Variants in AKNAD1 observed in about 807,000 individuals in gnomAD.
AKNAD1 encodes AKNA domain containing 1.
In AKNAD1, 67 loss-of-function variants were observed where a neutral mutation model predicts 90.8. That is an observed-to-expected ratio of 0.74 (90% CI 0.61 to 0.90). The LOEUF is 0.90. AKNAD1 is among the 40% of genes least tolerant of loss of function. The pLI is 0.00. For missense variants in AKNAD1, 957 were observed against 975.4 expected, an observed-to-expected ratio of 0.98 and a Z score of 0.25; for synonymous variants, 327 against 341.4, an observed-to-expected ratio of 0.96 and a Z score of 0.46.
intron 7 of AKNAD1, among the ~76,000 whole-genome samples, chr1:108,835,982 T>A (rs1275132687): frequency 6.6e-6 from 1 of 152,194 alleles, no homozygotes; most frequent in Non-Finnish European, 1.5e-5. Context: ...GGCAGGTGAT[T>A]TGTTTGTTGT....
chr1:108,833,720 A>T (rs1570808338), intron 9 of AKNAD1, among the ~76,000 whole-genome samples: 1 of 142,558 alleles, frequency 7.0e-6, no homozygotes, highest in African/African-American at 2.7e-5. Flanking sequence ...CATTTTTCCC[A>T]TGGTTTTTTT....
In AKNAD1 at chr1:108,849,059, T is replaced by C. The variant is rs1664780733; in HGVS notation, c.1035A>G (p.Gly345=). The C allele has an allele frequency of 4.4e-6, 7 of 1,588,610 alleles. No homozygotes were observed. Among genetic ancestry groups the C allele is most frequent in the Non-Finnish European group, 6.0e-6 (7 of 1,171,972 alleles). Residue 345 remains glycine, a splice_region_variant and synonymous_variant, in exon 4 of 16, where the codon GGA becomes GGG. Coordinates refer to ENST00000370001, the MANE Select transcript of AKNAD1 (RefSeq NM_152763.5). ...TAGAGAGACTTGCCTCAGATTCTATTCCTATACAAGAAAGAACACATTTGG... is the reference window on the plus strand; with the variant it reads ...TAGAGAGACTTGCCTCAGATTCTATCCCTATACAAGAAAGAACACATTTGG... The part of the protein sequence containing the change: ...IVHIHQELLT[G]IESEASLSKL...
chr1:108,856,718 TCA>T (rs1553205541), intron 1 of AKNAD1, among the ~76,000 whole-genome samples: 156 of 142,828 alleles, frequency 1.1e-3, no homozygotes, highest in Middle Eastern at 7.1e-3. Flanking sequence ...TCTCTCTCTC[TCA>T]CACACACATA....
rs200748698 is a variant in AKNAD1 at position 108,849,042 on chromosome 1, C to T, written c.1052G>A (p.Ser351Asn). The change falls in exon 4 of 16, where the codon AGT becomes AAT. Residue 351 changes from serine (S) to asparagine (N), a missense_variant. Transcript: ENST00000370001. Reference sequence around the variant, plus strand: ...AGAGGTTGGTGACAACTTAGAGAGACTTGCCTCAGATTCTATTCCTATACA... The same window carrying T: ...AGAGGTTGGTGACAACTTAGAGAGATTTGCCTCAGATTCTATTCCTATACA... The part of the protein sequence containing the change: ...ELLTGIESEA[S>N]LSKLSPTSQK... 2.6e-5 allele frequency: 42 copies of T among 1,600,728 alleles called. No homozygotes were observed. The highest frequency in any genetic ancestry group is 3.1e-5 in the Non-Finnish European group (37 of 1,176,302).
chr1:108,837,692 T>A lies in AKNAD1; in HGVS notation c.1394A>T (p.Glu465Val), dbSNP rs1423031801. 6.2e-7 allele frequency: 1 copy of A among 1,614,052 alleles called. No homozygotes were observed. Among genetic ancestry groups the A allele is most frequent in the Non-Finnish European group, 8.5e-7 (1 of 1,180,008 alleles). The change falls in exon 7 of 16, where the codon GAA (glutamate) becomes GTA (valine). Residue 465 changes from glutamate to valine, a missense_variant. Physicochemically the swap from Glu to Val is moderately radical, Grantham distance 121. Transcript: ENST00000370001. ...AAGCAGCATCTCCAATTTGAAGATT[T>A]CACCTTCCACTTTTCTAAGTAAACA... ...DFDPERKVEG[E>V]IFKLEMLLED...
chr1:108,839,473 A>AAAAAAAAAAGAAAAAAAAAAAG (rs1314808863), intron 6 of AKNAD1, among the ~76,000 whole-genome samples: 1 of 151,424 alleles, frequency 6.6e-6, no homozygotes, highest in Non-Finnish European at 1.5e-5. Context: ...CGTCTCAATA[A>AAAAAAAAAAGAAAAAAAAAAAG]AAAAAAAAAG....
At chr1:108,839,566 G>C (rs1485027421) in intron 6 of AKNAD1, among the ~76,000 whole-genome samples, 1 of 151,668 alleles carries the variant, frequency 6.6e-6, no homozygotes, top group African/African-American at 2.4e-5. Context: ...TAGATTAAAG[G>C]AGAAAAACTA....
intron 13 of AKNAD1, chr1:108,823,162 T>C (rs1449698610): frequency 2.8e-6 from 2 of 718,906 alleles, no homozygotes; most frequent in Non-Finnish European, 5.2e-6. Flanking sequence ...GTCACTGCGA[T>C]TTCATATTTT....
rs770479314 is a variant in AKNAD1 at position 108,827,310 on chromosome 1, A to G, written c.1839-8T>C. On this transcript the variant is annotated splice_polypyrimidine_tract_variant and splice_region_variant and intron_variant, in intron 10 of 15. Coordinates refer to ENST00000370001, the MANE Select transcript of AKNAD1 (RefSeq NM_152763.5). ...TTCTCCACGTTTTGCTTCCTAAAAA[A>G]AGGTGCATAAGATCCTGTAAACTTT... 1.5e-5 allele frequency: 24 copies of G among 1,589,660 alleles called. No individual in the cohort carries two copies. In the Admixed American group the frequency reaches 4.0e-4, roughly 27 times the overall value.
At chr1:108,855,878 C>G in intron 1 of AKNAD1, among the ~76,000 whole-genome samples, 1 of 127,106 alleles carries the variant, frequency 7.9e-6, no homozygotes, top group South Asian at 2.6e-4. Flanking sequence ...AACAGAGTAT[C>G]TTTTTTTTTT....
chr1:108,825,500 A>T (rs12759838), intron 11 of AKNAD1, among the ~76,000 whole-genome samples: 24,978 of 151,628 alleles, frequency 0.16, 2,636 homozygotes, highest in Non-Finnish European at 0.21. Context: ...TGATTCCAGA[A>T]CCCTTTTACA....
rs200186739 is a variant in AKNAD1, at chr1:108,835,627, ATT to A, written c.1537-573_1537-572del. Among the ~76,000 whole-genome samples the A allele has an allele frequency of 1.6e-4, 23 of 145,162 alleles. No individual in the cohort carries two copies. In the South Asian group the frequency reaches 3.5e-3, roughly 22 times the overall value. On this transcript the variant is annotated intron_variant, in intron 7 of 15. Coordinates refer to ENST00000370001, the MANE Select transcript of AKNAD1 (RefSeq NM_152763.5). The stretch of plus-strand genomic sequence containing the variant: ...CATTTCATAATTATATGTTAATTTA[ATT>A]TTTTTTTTTTTTTGAGATGGAGTCT...
chr1:108,853,846 G>A (rs1235429310), intron 1 of AKNAD1, among the ~76,000 whole-genome samples: 2 of 152,054 alleles, frequency 1.3e-5, no homozygotes, highest in Non-Finnish European at 2.9e-5. Flanking sequence ...TGAGGCAGGA[G>A]CATCGCTTGA....
chr1:108,816,967 C>G, intron 15 of AKNAD1, 81 bp downstream of exon 15: 1 of 1,536,332 alleles, frequency 6.5e-7, no homozygotes, highest in Non-Finnish European at 8.9e-7. Flanking sequence ...ACTGTAATAA[C>G]TTAAGAGCTG....
intron 15 of AKNAD1, 122 bp from the exon 16 acceptor site, chr1:108,816,424 GTCTATT>G: frequency 9.3e-7 from 1 of 1,071,904 alleles, no homozygotes; most frequent in Admixed American, 2.7e-5. Context: ...TTTCCTCTTG[GTCTATT>G]TCTGTTTTTG....
At chr1:108,830,129 G>T (rs922014828) in intron 10 of AKNAD1, among the ~76,000 whole-genome samples, 5 of 152,252 alleles carry the variant, frequency 3.3e-5, no homozygotes, top group Admixed American at 3.3e-4. Flanking sequence ...AGTAGGGATG[G>T]TGGGAGCTGT....
At position 108,849,537 on chromosome 1, in the gene AKNAD1, C is replaced by T. The variant is rs769303364; in HGVS notation, c.1033G>A (p.Gly345Arg). 2 of 1,575,142 alleles carry T rather than the reference C, an allele frequency of 1.3e-6. No homozygotes were observed. Among genetic ancestry groups the T allele is most frequent in the South Asian group, 1.1e-5 (1 of 90,210 alleles). The change falls in exon 3 of 16, where the codon GGA (glycine) becomes AGA (arginine). Residue 345 changes from glycine to arginine, a missense_variant and splice_region_variant. Coordinates refer to ENST00000370001, the MANE Select transcript of AKNAD1 (RefSeq NM_152763.5). Reference protein sequence around the residue: ...IVHIHQELLTGIESEASLSKL... With the variant: ...IVHIHQELLTRIESEASLSKL... ...CAAAGAAGTTTTAAAACATTAGTAC[C>T]TGTGAGAAGTTCTTGGTGGATATGT...
chr1:108,852,590 C>A lies in AKNAD1; in HGVS notation c.75G>T (p.Gln25His). The change falls in exon 2 of 16, where the codon CAG becomes CAT. Residue 25 changes from glutamine (Q) to histidine (H), a missense_variant. Coordinates refer to ENST00000370001, the MANE Select transcript of AKNAD1 (RefSeq NM_152763.5). ...EDLPYDGDLS[Q>H]IKIGNDYSFT... ...AACTGTAATCATTGCCTATCTTAATCTGAGAGAGGTCCCCATCATAAGGCA... is the reference window on the plus strand; with the variant it reads ...AACTGTAATCATTGCCTATCTTAATATGAGAGAGGTCCCCATCATAAGGCA... 1 of 1,612,032 alleles carries A rather than the reference C, an allele frequency of 6.2e-7. No homozygotes were observed. Among genetic ancestry groups the A allele is most frequent in the Non-Finnish European group, 8.5e-7 (1 of 1,179,378 alleles).
rs1557833302 is a variant in AKNAD1 at position 108,838,328 on chromosome 1, C to CA, written c.1380-623_1380-622insT. On this transcript the variant is annotated intron_variant, in intron 6 of 15. Coordinates refer to ENST00000370001, the MANE Select transcript of AKNAD1 (RefSeq NM_152763.5). ...TAACAACAAAAAGATAGCCCCCCCC[C>CA]CAAAAAAAACCCTGTTTAATTAGAA... 8.7e-4 allele frequency among the ~76,000 whole-genome samples: 126 copies of CA among 145,236 alleles called. 1 individual carries two copies. Among genetic ancestry groups the CA allele is most frequent in the African/African-American group, 3.0e-3 (117 of 38,704 alleles).
Sources: gnomAD v4.1 joint callset for allele counts (sites outside exome capture counted in the v4.1 genomes callset) on GRCh38, gnomAD v4.1.1 for gene constraint, MANE v1.5 for transcripts, NCBI Gene and HGNC (gene_info 2026-07-23, HGNC 2026-07-21) for gene names.